The following NAV3 variants were observed in gnomAD, a reference collection of about 807,000 sequenced individuals.
NAV3 encodes neuron navigator 3.
Under a neutral mutation model 244.7 loss-of-function variants are expected in NAV3, and 87 were observed. The ratio of observed to expected loss-of-function variants is 0.36; its 90% confidence interval spans 0.30 to 0.42. NAV3 has a LOEUF of 0.42. Among genes scored for constraint, NAV3 ranks in the 20% least tolerant of loss-of-function variants. The pLI is 1.00. For missense variants in NAV3, 2,663 were observed against 2,893.3 expected (o/e 0.92, Z 1.83); for synonymous variants, 1,126 against 1,042.2 (o/e 1.08, Z -1.55).
Position 78,006,505 on chromosome 12 carries a change from A to G in NAV3, c.967A>G (p.Ile323Val), listed in dbSNP as rs1566010833. 3.1e-6 allele frequency: 5 copies of G among 1,614,096 alleles called. No individual in the cohort carries two copies. The highest frequency in any genetic ancestry group is 4.2e-6 in the Non-Finnish European group (5 of 1,180,018). Reference sequence around the variant, plus strand: ...TGCTGGGCAGCCTCCTGCCTCTGCCATCCCTTCTCCAAGTGCCAGCAAGCC... The same window carrying G: ...TGCTGGGCAGCCTCCTGCCTCTGCCGTCCCTTCTCCAAGTGCCAGCAAGCC... ...STAGQPPASA[I>V]PSPSASKPWR... The change falls in exon 8 of 40, where the codon ATC becomes GTC. Residue 323 changes from isoleucine (I) to valine (V), a missense_variant. Ile to Val is a conservative substitution (Grantham distance 29). Coordinates refer to ENST00000397909, the MANE Select transcript of NAV3 (RefSeq NM_001024383.2).
chr12:77,828,114 TA>T (rs1195154022), upstream of NAV3, among the ~76,000 whole-genome samples: 4 of 152,144 alleles, frequency 2.6e-5, no homozygotes, highest in African/African-American at 4.8e-5. Context: ...ATGGAGACAT[TA>T]AAAGGTGAGT....
At chr12:78,202,723 G>A (rs927178282) in intron 38 of NAV3, among the ~76,000 whole-genome samples, 2 of 152,004 alleles carry the variant, frequency 1.3e-5, no homozygotes, top group African/African-American at 4.8e-5. Flanking sequence ...TTGGGGGAGG[G>A]GAATCCAGCA....
At chr12:77,786,696 A>G (rs1423400316) in intron 2 of NAV3, among the ~76,000 whole-genome samples, 1 of 152,122 alleles carries the variant, frequency 6.6e-6, no homozygotes, top group African/African-American at 2.4e-5. Flanking sequence ...GATTATGTGG[A>G]AGGAATTCCT....
In NAV3 at chr12:77,998,465, G is replaced by A. The variant is rs1872715663; in HGVS notation, c.869G>A (p.Gly290Glu). ...DKNKPPNYANGNEKDSSKGPQ... is the reference protein window; with the variant it reads ...DKNKPPNYANENEKDSSKGPQ... ...AACAAGCCTCCAAATTATGCAAATGGAAACGAAAAAGGTAAGTGTTTGTTA... is the reference window on the plus strand; with the variant it reads ...AACAAGCCTCCAAATTATGCAAATGAAAACGAAAAAGGTAAGTGTTTGTTA... Residue 290 changes from glycine to glutamate, a missense_variant, in exon 7 of 40, where the codon GGA becomes GAA. By Grantham distance (98) the Gly-to-Glu change is moderately conservative. This residue lies in a region of NAV3 where 1,521 missense variants were observed against 1,497.0 expected (regional missense o/e 1.02). Transcript: ENST00000397909. 6 of 1,599,978 alleles carry A rather than the reference G, an allele frequency of 3.8e-6. No individual in the cohort carries two copies. The highest frequency in any genetic ancestry group is 3.5e-5 in the Admixed American group (2 of 56,470).
chr12:78,194,045 G>C (rs952565215), intron 34 of NAV3, among the ~76,000 whole-genome samples: 1 of 151,682 alleles, frequency 6.6e-6, no homozygotes, highest in Non-Finnish European at 1.5e-5. Context: ...GAACTATTCT[G>C]TTCTCTCTCA....
chr12:77,913,020 A>G (rs1269056573), intron 1 of NAV3, among the ~76,000 whole-genome samples: 2 of 151,916 alleles, frequency 1.3e-5, no homozygotes, highest in African/African-American at 4.8e-5. Flanking sequence ...AATAATTTTC[A>G]GTTTATATTT....
chr12:77,965,514 G>A (rs879284608), intron 3 of NAV3, among the ~76,000 whole-genome samples: 3 of 152,120 alleles, frequency 2.0e-5, no homozygotes, highest in Admixed American at 1.3e-4. Context: ...AGCTACTTGG[G>A]AGAGTGAGGC....
intron 2 of NAV3, among the ~76,000 whole-genome samples, chr12:77,728,273 G>A (rs11106451): frequency 6.6e-6 from 1 of 151,940 alleles, no homozygotes; most frequent in African/African-American, 2.4e-5. Context: ...ACGATGATTT[G>A]TGGTCAAAAG....
chr12:77,839,100 G>T (rs981586727), intron 1 of NAV3, among the ~76,000 whole-genome samples: 1 of 152,142 alleles, frequency 6.6e-6, no homozygotes, highest in Non-Finnish European at 1.5e-5. Context: ...AGTCTGTTAT[G>T]AGCAGCGTAG....
intron 2 of NAV3, among the ~76,000 whole-genome samples, chr12:77,667,827 G>C (rs933554536): frequency 1.3e-5 from 2 of 152,088 alleles, no homozygotes; most frequent in Admixed American, 6.6e-5. Context: ...ACCACCTTCT[G>C]TCTGGAGGCC....
chr12:77,759,008 A>T (rs1350237968), intron 2 of NAV3, among the ~76,000 whole-genome samples: 1 of 152,186 alleles, frequency 6.6e-6, no homozygotes, highest in African/African-American at 2.4e-5. Flanking sequence ...TGTGGTCTCA[A>T]TTTGGGCTGG....
In NAV3 at chr12:77,961,177, A is replaced by G. The variant is rs142766447; in HGVS notation, c.415-5052A>G. ...CATATGTCTATATTACATGCATAAG[A>G]CATATTTGCAATATATAATATATAT... On this transcript the variant is annotated intron_variant, in intron 3 of 39. Transcript: ENST00000397909. 4.0e-3 allele frequency among the ~76,000 whole-genome samples: 584 copies of G among 144,990 alleles called. 9 individuals carry two copies. In the East Asian group the frequency reaches 0.048, roughly 12 times the overall value.
intron 2 of NAV3, among the ~76,000 whole-genome samples, chr12:77,774,331 T>C (rs1406588818): frequency 1.3e-5 from 2 of 152,178 alleles, no homozygotes; most frequent in Admixed American, 6.5e-5. Flanking sequence ...GGATGGACTA[T>C]TTTAGCCTTC....
intron 2 of NAV3, among the ~76,000 whole-genome samples, chr12:77,609,127 G>GGT (rs1196865017): frequency 3.9e-5 from 6 of 151,932 alleles, no homozygotes; most frequent in African/African-American, 1.2e-4. Flanking sequence ...TTATGTTCTG[G>GGT]TAATCCTTTG....
chr12:78,198,761 CTGTT>C (rs1959270441), intron 36 of NAV3, 85 bp downstream of exon 36: 2 of 900,898 alleles, frequency 2.2e-6, no homozygotes, highest in Non-Finnish European at 3.5e-6. Flanking sequence ...TTGTTTCTTC[CTGTT>C]TGTTTTTGTG....
In NAV3 at chr12:78,190,170, A is replaced by AAAC. The variant is rs749748783; in HGVS notation, c.6244_6246dup (p.Thr2082dup). ...GTAATAACCAAATCTGGAAGGAAAA[A>AAAC]AACAGAGGATGCAATTGCCACTTTT... is the stretch of plus-strand genomic sequence containing the variant. On this transcript the variant is annotated inframe_insertion, in exon 34 of 40. Coordinates refer to ENST00000397909, the MANE Select transcript of NAV3 (RefSeq NM_001024383.2). 3.2e-5 allele frequency: 52 copies of AAAC among 1,612,914 alleles called. No individual in the cohort carries two copies. Among genetic ancestry groups the AAAC allele is most frequent in the Non-Finnish European group, 4.4e-5 (52 of 1,179,430 alleles).
intron 2 of NAV3, among the ~76,000 whole-genome samples, chr12:77,717,055 G>A (rs947708577): frequency 6.6e-6 from 1 of 152,036 alleles, no homozygotes; most frequent in African/African-American, 2.4e-5. Flanking sequence ...GGGCTTGTGA[G>A]TGTGTGTGTA....
At chr12:77,606,301 C>A (rs1870668891) in intron 2 of NAV3, among the ~76,000 whole-genome samples, 1 of 152,128 alleles carries the variant, frequency 6.6e-6, no homozygotes, top group African/African-American at 2.4e-5. Flanking sequence ...TGCGAAGGAA[C>A]AAACCATGCT....
chr12:77,833,953 GTGTGTTCCTTTCGACGTCCAGCCGCTTA>G lies in NAV3; in HGVS notation c.243+2277_243+2304del, dbSNP rs550718842. ...TGCCTGTCGGTGTCCTCTTCTGCTG[GTGTGTTCCTTTCGACGTCCAGCCGCTTA>G]TGTGTTCCTTTCGACGTCCAGCCGC... is the stretch of plus-strand genomic sequence containing the variant. On this transcript the variant is annotated intron_variant, in intron 1 of 39. Transcript: ENST00000397909. 3.3e-3 allele frequency among the ~76,000 whole-genome samples: 503 copies of G among 152,024 alleles called. 5 individuals are homozygous for G. Among genetic ancestry groups the G allele is most frequent in the African/African-American group, 0.011 (463 of 41,454 alleles).
Sources: gnomAD v4.1 joint callset for allele counts (sites outside exome capture counted in the v4.1 genomes callset) on GRCh38, gnomAD v4.1.1 for gene constraint, gnomAD v4.1.1 regional missense constraint, MANE v1.5 for transcripts, NCBI Gene and HGNC (gene_info 2026-07-23, HGNC 2026-07-21) for gene names.